MLLT10: variants seen among roughly 807,000 people sequenced by gnomAD.
The protein encoded by MLLT10 is protein AF-10.
In MLLT10, 30 loss-of-function variants were observed where a neutral mutation model predicts 129.1. The observed-to-expected ratio is 0.23, with a 90% confidence interval of 0.17 to 0.32. MLLT10 has a LOEUF of 0.32. Ranked by LOEUF, MLLT10 falls within the 10% of genes least tolerant of loss-of-function variation. The pLI is 1.00. For synonymous variants in MLLT10, 490 were observed against 446.4 expected (o/e 1.10, Z -1.23); for missense variants, 1,119 against 1,268.3 (o/e 0.88, Z 1.79).
At chr10:21,586,533 A>G (rs1312112671) in intron 4 of MLLT10, among the ~76,000 whole-genome samples, 185 bp downstream of exon 4, 1 of 152,158 alleles carries the variant, frequency 6.6e-6, no homozygotes, top group Non-Finnish European at 1.5e-5. Context: ...TTTGTGGACA[A>G]ACTTAAGCAT....
chr10:21,594,157 C>G (rs776284009), intron 4 of MLLT10, among the ~76,000 whole-genome samples: 4 of 151,908 alleles, frequency 2.6e-5, no homozygotes, highest in Non-Finnish European at 4.4e-5. Flanking sequence ...GTTTGCCCTT[C>G]AGTGTTGCAT....
chr10:21,700,001 A>T (rs1210037396), intron 13 of MLLT10, among the ~76,000 whole-genome samples: 2 of 152,118 alleles, frequency 1.3e-5, no homozygotes, highest in Admixed American at 6.5e-5. Flanking sequence ...CTTCCAATTC[A>T]TGAGCATGGG....
intron 8 of MLLT10, among the ~76,000 whole-genome samples, chr10:21,642,169 G>A (rs2131297294): frequency 6.6e-6 from 1 of 151,988 alleles, no homozygotes; most frequent in East Asian, 1.9e-4. Flanking sequence ...TAGCCAACAC[G>A]GTGAAACCCA....
intron 21 of MLLT10, among the ~76,000 whole-genome samples, chr10:21,738,991 A>G (rs2058613055): frequency 6.6e-6 from 1 of 152,054 alleles, no homozygotes. Context: ...GCATATCTTA[A>G]AAGACATTTC....
At chr10:21,715,714 TAGAGA>T (rs576922755) in intron 14 of MLLT10, among the ~76,000 whole-genome samples, 400 of 152,300 alleles carry the variant, frequency 2.6e-3, no homozygotes, top group Non-Finnish European at 4.1e-3. Flanking sequence ...AGGGAAGTGG[TAGAGA>T]AGAGAAGTTT....
chr10:21,719,636 A>G (rs2056994181), intron 14 of MLLT10, among the ~76,000 whole-genome samples: 1 of 152,320 alleles, frequency 6.6e-6, no homozygotes, highest in South Asian at 2.1e-4. Context: ...CCTGGGTTCC[A>G]GGAGTTTTGC....
intron 13 of MLLT10, among the ~76,000 whole-genome samples, chr10:21,689,009 C>G (rs894727424): frequency 6.6e-6 from 1 of 152,116 alleles, no homozygotes; most frequent in Non-Finnish European, 1.5e-5. Flanking sequence ...CTACTGTTAA[C>G]CACTTGAAGT....
At chr10:21,725,408 GTTC>G (rs199956109) in intron 14 of MLLT10, among the ~76,000 whole-genome samples, 3,708 of 152,266 alleles carry the variant, frequency 0.024, 59 homozygotes, top group Middle Eastern at 0.054. Flanking sequence ...CAACGTGCCA[GTTC>G]TTCTTTTTTA....
chr10:21,676,297 G>A (rs10218956), intron 11 of MLLT10, among the ~76,000 whole-genome samples: 8,239 of 151,880 alleles, frequency 0.054, 748 homozygotes, highest in African/African-American at 0.19. Flanking sequence ...GGTGCCTGTA[G>A]TCCTAGCTAC....
At chr10:21,562,949 A>C (rs1036799713) in intron 3 of MLLT10, among the ~76,000 whole-genome samples, 2 of 145,064 alleles carry the variant, frequency 1.4e-5, no homozygotes, top group African/African-American at 5.2e-5. Context: ...CCTTCTGAGT[A>C]GCTGGGATTA....
intron 5 of MLLT10, among the ~76,000 whole-genome samples, chr10:21,605,091 A>G (rs2131167393): frequency 6.6e-6 from 1 of 151,982 alleles, no homozygotes; most frequent in African/African-American, 2.4e-5. Context: ...CTCTTTAAAA[A>G]AAAAAAAAAA....
At chr10:21,534,621 A>G in intron 1 of MLLT10, 24 bp from the exon 2 acceptor site, 1 of 1,593,932 alleles carries the variant, frequency 6.3e-7, no homozygotes, top group Non-Finnish European at 8.6e-7. Flanking sequence ...GTGTTTTTTA[A>G]TGGTCCCCCC....
At position 21,639,276 on chromosome 10, in the gene MLLT10, G is replaced by A. The variant is rs893528723; in HGVS notation, c.700-12397G>A. Among the ~76,000 whole-genome samples, 9 of 152,144 alleles carry A rather than the reference G, an allele frequency of 5.9e-5. No individual in the cohort carries two copies. In the South Asian group the frequency reaches 1.0e-3, roughly 18 times the overall value. ...CAGTTTTGCAGCAGACATCATCTGC[G>A]TTTGGACACTATCCACCTGGAGATG... On this transcript the variant is annotated intron_variant, in intron 8 of 22. Transcript: ENST00000307729.
intron 9 of MLLT10, among the ~76,000 whole-genome samples, chr10:21,670,204 C>T (rs1315640480): frequency 1.3e-5 from 2 of 152,094 alleles, no homozygotes; most frequent in African/African-American, 4.8e-5. Context: ...CTAGTTGTTG[C>T]AATTTGATCC....
In MLLT10 at chr10:21,657,171, CATTTGAGGCCAGGA is replaced by C. The variant is rs926898526; in HGVS notation, c.795+5404_795+5417del. Among the ~76,000 whole-genome samples, 68 of 152,154 alleles carry C rather than the reference CATTTGAGGCCAGGA, an allele frequency of 4.5e-4. 1 individual carries two copies. Among genetic ancestry groups the C allele is most frequent in the African/African-American group, 1.5e-3 (63 of 41,518 alleles). ...CTTTGGGAGGCCAAGGTGGGTGGAT[CATTTGAGGCCAGGA>C]GTTTGAGACCAGCCTGGCCAACATG... On this transcript the variant is annotated intron_variant, in intron 9 of 22. Coordinates refer to ENST00000307729, the MANE Select transcript of MLLT10 (RefSeq NM_001195626.3).
chr10:21,608,641 TA>T (rs2044296550), intron 5 of MLLT10, among the ~76,000 whole-genome samples: 2 of 152,186 alleles, frequency 1.3e-5, no homozygotes, highest in African/African-American at 2.4e-5. Context: ...TATTGATACA[TA>T]TGTAAATTTA....
chr10:21,618,835 T>A (rs2045524446), intron 8 of MLLT10, among the ~76,000 whole-genome samples: 1 of 151,868 alleles, frequency 6.6e-6, no homozygotes, highest in African/African-American at 2.4e-5. Context: ...CGGGTTCAAG[T>A]GATTGTCGTG....
At chr10:21,674,004 G>A (rs921551665) in intron 11 of MLLT10, 85 bp downstream of exon 11, 22 of 990,728 alleles carry the variant, frequency 2.2e-5, no homozygotes, top group Admixed American at 9.5e-5. Context: ...CTGTTGTTAC[G>A]ATAATACTTG....
intron 13 of MLLT10, among the ~76,000 whole-genome samples, chr10:21,711,664 T>C (rs1409186011): frequency 6.6e-6 from 1 of 151,810 alleles, no homozygotes; most frequent in Non-Finnish European, 1.5e-5. Flanking sequence ...GAGGGTCGCT[T>C]GGCCCAGGAG....
Sources: allele counts gnomAD v4.1 joint callset (sites outside exome capture counted in the v4.1 genomes callset), GRCh38; gene constraint gnomAD v4.1.1; transcripts MANE v1.5; gene names NCBI Gene and HGNC (gene_info 2026-07-23, HGNC 2026-07-21).